RALGDS: variants seen among roughly 807,000 people sequenced by gnomAD.
The protein encoded by RALGDS is ral guanine nucleotide exchange factor.
Under a neutral mutation model 99.8 loss-of-function variants are expected in RALGDS, and 44 were observed. That is an observed-to-expected ratio of 0.44 (90% CI 0.35 to 0.57). The LOEUF is 0.57. Ranked by LOEUF, RALGDS falls within the 20% of genes least tolerant of loss-of-function variation. The pLI is 0.01. For missense variants in RALGDS, 1,022 were observed against 1,203.1 expected (o/e 0.85, Z 2.23); for synonymous variants, 529 against 505.0 (o/e 1.05, Z -0.64).
At chr9:133,138,704 G>A (rs1022025527) in intron 1 of RALGDS, among the ~76,000 whole-genome samples, 1 of 152,156 alleles carries the variant, frequency 6.6e-6, no homozygotes, top group South Asian at 2.1e-4. Context: ...GAGTGATCTC[G>A]GCTCGCTGCA....
chr9:133,108,876 G>C lies in RALGDS; in HGVS notation c.585-10C>G. ...GATGGAGGAGATGGCACTGGGGACAGGTGGGTGGCAGCAGAGTCAGAGGCC... is the reference window on the plus strand; with the variant it reads ...GATGGAGGAGATGGCACTGGGGACACGTGGGTGGCAGCAGAGTCAGAGGCC... On this transcript the variant is annotated splice_polypyrimidine_tract_variant and intron_variant, in intron 4 of 17. Transcript: ENST00000372050. The C allele has an allele frequency of 6.2e-7, 1 of 1,608,328 alleles. No homozygotes were observed. The highest frequency in any genetic ancestry group is 8.5e-7 in the Non-Finnish European group (1 of 1,176,740).
rs763677226 is a variant in RALGDS at position 133,110,393 on chromosome 9, C to T, written c.391G>A (p.Ala131Thr). The T allele has an allele frequency of 1.9e-6, 3 of 1,613,392 alleles. No homozygotes were observed. The highest frequency in any genetic ancestry group is 1.1e-5 in the South Asian group (1 of 91,094). ...LEKLVEHLVP[A>T]FQGSDLSYVT... Reference sequence around the variant, plus strand: ...TAGGAGAGGTCGCTGCCCTGGAAGGCTGGCACCAGGTGCTCCACCAGCTTC... The same window carrying T: ...TAGGAGAGGTCGCTGCCCTGGAAGGTTGGCACCAGGTGCTCCACCAGCTTC... The change falls in exon 3 of 18, where the codon GCC becomes ACC. Residue 131 changes from alanine (A) to threonine (T), a missense_variant. By Grantham distance (58) the Ala-to-Thr change is moderately conservative. This residue lies in a region of RALGDS where 17 missense variants were observed against 39.3 expected (regional missense o/e 0.43). Transcript: ENST00000372050.
intron 1 of RALGDS, among the ~76,000 whole-genome samples, chr9:133,137,279 C>T (rs1346589678): frequency 2.6e-5 from 4 of 152,254 alleles, no homozygotes; most frequent in African/African-American, 4.8e-5. Context: ...TTTCATGCCC[C>T]CCATGGCGGG....
upstream of RALGDS, among the ~76,000 whole-genome samples, chr9:133,122,573 T>C (rs937841375): frequency 1.3e-5 from 2 of 152,194 alleles, no homozygotes; most frequent in Non-Finnish European, 2.9e-5. Flanking sequence ...AAGACCCCCA[T>C]GTGCACACGA....
chr9:133,123,727 G>T (rs11244003), upstream of RALGDS, among the ~76,000 whole-genome samples: 1 of 110,496 alleles, frequency 9.1e-6, no homozygotes, highest in Non-Finnish European at 2.0e-5. Flanking sequence ...CACACACAGA[G>T]ACACACACAT....
intron 1 of RALGDS, chr9:133,129,327 G>A (rs765922827): frequency 3.2e-6 from 5 of 1,573,498 alleles, no homozygotes; most frequent in African/African-American, 1.3e-5. Context: ...ATGGTGGGGC[G>A]AGAGCCAGGT....
Position 133,144,563 on chromosome 9 carries a change from G to A in RALGDS, c.18+4400C>T, listed in dbSNP as rs987725903. Among the ~76,000 whole-genome samples the A allele has an allele frequency of 6.6e-6, 1 of 152,230 alleles. No homozygotes were observed. Among genetic ancestry groups the A allele is most frequent in the African/African-American group, 2.4e-5 (1 of 41,472 alleles). On this transcript the variant is annotated intron_variant, in intron 1 of 17. Transcript: ENST00000393160. This position sits in a 1 kb window ranked among gnomAD's most constrained non-coding sequence, Gnocchi z 4.5. ...AGACCTTTGTCTGCGGCAGCTCCGC[G>A]CCGGGCTGGGCGGCCGCACGGGAGG...
chr9:133,122,357 G>A (rs1194927508), upstream of RALGDS, among the ~76,000 whole-genome samples: 1 of 152,236 alleles, frequency 6.6e-6, no homozygotes, highest in East Asian at 1.9e-4. Context: ...GCCAGCAATT[G>A]CTGCCAGCAG....
intron 9 of RALGDS, 86 bp from the exon 10 acceptor site, chr9:133,104,417 G>A (rs571734850): frequency 2.4e-6 from 3 of 1,258,710 alleles, no homozygotes; most frequent in East Asian, 2.3e-5. Flanking sequence ...GTGTGGTCGG[G>A]TTCCAGGGCT....
At chr9:133,149,090 T>C in exon 1 of RALGDS, 1 of 744,746 alleles carries the variant, frequency 1.3e-6, no homozygotes, top group Non-Finnish European at 1.7e-6. Flanking sequence ...GCGGGGCTCA[T>C]GGCGCGGCCT....
upstream of RALGDS, among the ~76,000 whole-genome samples, chr9:133,134,671 G>GT (rs977961093): frequency 6.6e-6 from 1 of 152,192 alleles, no homozygotes; most frequent in Non-Finnish European, 1.5e-5. Context: ...CCTGGGGTGG[G>GT]TGGTCTGTCC....
At chr9:133,120,309 T>A (rs1001617034) in intron 1 of RALGDS, among the ~76,000 whole-genome samples, 1 of 152,114 alleles carries the variant, frequency 6.6e-6, no homozygotes, top group Admixed American at 6.5e-5. Context: ...GTGTTGGCAC[T>A]CTTTCCAGTT....
At chr9:133,118,577 A>C (rs1225466641) in intron 1 of RALGDS, among the ~76,000 whole-genome samples, 1 of 89,370 alleles carries the variant, frequency 1.1e-5, no homozygotes, top group East Asian at 2.6e-4. Flanking sequence ...GGACCTCCCC[A>C]AAACCTGCTG....
At chr9:133,134,014 C>T (rs1832386249), upstream of RALGDS, among the ~76,000 whole-genome samples, 1 of 152,230 alleles carries the variant, frequency 6.6e-6, no homozygotes, top group African/African-American at 2.4e-5. Context: ...GCTCCTCTTT[C>T]CTGCTGCTAA....
At chr9:133,115,286 C>A (rs764538120) in intron 1 of RALGDS, among the ~76,000 whole-genome samples, 1 of 152,204 alleles carries the variant, frequency 6.6e-6, no homozygotes, top group East Asian at 1.9e-4. Flanking sequence ...AACTCACCGG[C>A]CCCTCCCAAG....
chr9:133,119,165 A>G (rs1480649068), intron 1 of RALGDS, among the ~76,000 whole-genome samples: 1 of 152,204 alleles, frequency 6.6e-6, no homozygotes, highest in African/African-American at 2.4e-5. Context: ...GGAAACAGGG[A>G]TGCGGGGGAA....
chr9:133,112,896 G>T (rs529268682), intron 1 of RALGDS, among the ~76,000 whole-genome samples: 3 of 152,336 alleles, frequency 2.0e-5, no homozygotes, highest in Admixed American at 6.5e-5. Context: ...GGTGTGAGAG[G>T]TGACGGTGCT....
At chr9:133,114,306 C>A (rs1831489522) in intron 1 of RALGDS, among the ~76,000 whole-genome samples, 1 of 152,212 alleles carries the variant, frequency 6.6e-6, no homozygotes, top group Admixed American at 6.5e-5. Flanking sequence ...GTCACAGCAG[C>A]AGCAGGCATG....
chr9:133,143,759 T>TAATAAC (rs1381987487), intron 1 of RALGDS, among the ~76,000 whole-genome samples: 1 of 106,220 alleles, frequency 9.4e-6, no homozygotes, highest in Non-Finnish European at 1.8e-5. Flanking sequence ...ATAATAATAA[T>TAATAAC]AATAATAATA....
Sources: allele counts gnomAD v4.1 joint callset (sites outside exome capture counted in the v4.1 genomes callset), GRCh38; gene constraint gnomAD v4.1.1; regional missense constraint gnomAD v4.1.1; non-coding constraint Gnocchi (gnomAD v3.1); transcripts MANE v1.5; gene names NCBI Gene and HGNC (gene_info 2026-07-23, HGNC 2026-07-21).